Variants in DDX60 observed in about 807,000 individuals in gnomAD.
DDX60 encodes probable ATP-dependent RNA helicase DDX60.
DDX60 carries 165 observed loss-of-function variants against 212.8 expected under a neutral mutation model. The observed-to-expected ratio is 0.78, with a 90% CI of 0.68 to 0.88. The LOEUF (loss-of-function observed/expected upper bound fraction) is 0.88, where lower values mean the gene tolerates loss of function less well. Ranked by LOEUF, DDX60 falls within the 40% of genes least tolerant of loss-of-function variation. DDX60 has a pLI of 0.00. For missense variants in DDX60, 1,905 were observed against 2,003.9 expected (o/e 0.95, Z 0.94); for synonymous variants, 703 against 685.3 (o/e 1.03, Z -0.40).
upstream of DDX60, among the ~76,000 whole-genome samples, chr4:168,320,389 C>T (rs1357820737): frequency 6.6e-6 from 1 of 151,918 alleles, no homozygotes; most frequent in Non-Finnish European, 1.5e-5. Context: ...ACACAGATGG[C>T]GTTGAAGACA....
chr4:168,267,932 T>G lies in DDX60; in HGVS notation c.2838A>C (p.Glu946Asp), dbSNP rs199744407. The G allele has an allele frequency of 6.8e-6, 11 of 1,613,136 alleles. No individual in the cohort carries two copies. The East Asian group carries it at 2.5e-4, about 36-fold the overall frequency. The part of the protein sequence containing the change: ...WYWKQEDKII[E>D]NNTASKRHVG... ...CATGTCTTTTAGAAGCGGTATTATTTTCAATTATTTTGTCTTCTTGTTTCC... is the reference window on the plus strand; with the variant it reads ...CATGTCTTTTAGAAGCGGTATTATTGTCAATTATTTTGTCTTCTTGTTTCC... The change falls in exon 21 of 38, where the codon GAA becomes GAC. Residue 946 changes from glutamate (E) to aspartate (D), a missense_variant. Glu to Asp is a conservative substitution (Grantham distance 45). Coordinates refer to ENST00000393743, the MANE Select transcript of DDX60 (RefSeq NM_017631.6).
At chr4:168,244,740 A>G (rs1560823478) in intron 30 of DDX60, among the ~76,000 whole-genome samples, 1 of 143,496 alleles carries the variant, frequency 7.0e-6, no homozygotes. Flanking sequence ...AGAAAAGAAA[A>G]AAGAAAGAAA....
At chr4:168,315,362 A>C (rs192727529) in intron 1 of DDX60, among the ~76,000 whole-genome samples, 1 of 152,342 alleles carries the variant, frequency 6.6e-6, no homozygotes, top group African/African-American at 2.4e-5. Context: ...TTCATGGAGG[A>C]GGCAAAAAGA....
At chr4:168,236,427 T>C in intron 32 of DDX60, 54 bp from the exon 33 acceptor site, 2 of 1,459,350 alleles carry the variant, frequency 1.4e-6, no homozygotes, top group South Asian at 2.6e-5. Context: ...ATTCTATTTT[T>C]TCATGTTTAA....
intron 19 of DDX60, among the ~76,000 whole-genome samples, chr4:168,269,365 G>A (rs113583949): frequency 2.6e-5 from 4 of 152,236 alleles, no homozygotes; most frequent in African/African-American, 4.8e-5. Context: ...TTGGGAGGCC[G>A]AGGAGGGCGG....
intron 34 of DDX60, 85 bp from the exon 35 acceptor site, chr4:168,224,470 A>C: frequency 7.5e-7 from 1 of 1,332,194 alleles, no homozygotes; most frequent in South Asian, 1.3e-5. Context: ...ACCATGTTAC[A>C]AGGGGAGCCA....
intron 7 of DDX60, among the ~76,000 whole-genome samples, chr4:168,292,172 C>T (rs1226138561): frequency 1.3e-5 from 2 of 151,594 alleles, no homozygotes; most frequent in Admixed American, 6.6e-5. Flanking sequence ...CTCAGCCTCC[C>T]GAGTAGCTGG....
chr4:168,217,116 A>G, intron 37 of DDX60, 84 bp from the exon 38 acceptor site: 1 of 798,282 alleles, frequency 1.3e-6, no homozygotes. Context: ...GGCAGAAGTA[A>G]GGAAATCCCA....
chr4:168,262,042 C>T lies in DDX60; in HGVS notation c.3231G>A (p.Lys1077=). Residue 1077 remains lysine (K), a synonymous_variant, in exon 24 of 38, where the codon AAG becomes AAA. Transcript: ENST00000393743. The part of the protein sequence containing the change: ...MDARKYEESL[K]AELTSWIKNG... ...TTTTAATCCAACTTGTTAATTCTGC[C>T]TTTAGACTCTCTTCATATTTCCTAG... 1 of 1,600,550 alleles carries T rather than the reference C, an allele frequency of 6.2e-7. No individual in the cohort carries two copies. The highest frequency in any genetic ancestry group is 2.3e-5 in the East Asian group (1 of 43,944).
At chr4:168,224,132 T>C in intron 35 of DDX60, 111 bp downstream of exon 35, 2 of 1,177,476 alleles carry the variant, frequency 1.7e-6, no homozygotes, top group Non-Finnish European at 1.2e-6. Flanking sequence ...CACCCAGATT[T>C]TTTTTTTCCT....
intron 33 of DDX60, among the ~76,000 whole-genome samples, chr4:168,232,252 G>A (rs1276831966): frequency 1.3e-5 from 2 of 152,072 alleles, no homozygotes; most frequent in Non-Finnish European, 2.9e-5. Context: ...TCATGCTCAT[G>A]TATGAGTAGA....
intron 30 of DDX60, among the ~76,000 whole-genome samples, chr4:168,244,331 G>A (rs1360324035): frequency 6.9e-6 from 1 of 144,184 alleles, no homozygotes; most frequent in African/African-American, 2.9e-5. Flanking sequence ...TGACTTCTTT[G>A]AGACAAGGCA....
At chr4:168,250,687 G>A (rs544229408) in intron 28 of DDX60, among the ~76,000 whole-genome samples, 48 of 111,166 alleles carry the variant, frequency 4.3e-4, no homozygotes, top group African/African-American at 1.7e-3. Context: ...CACCACGCCC[G>A]GCTAATTTTT....
chr4:168,250,933 G>C (rs1734198419), intron 28 of DDX60, 21 bp downstream of exon 28: 1 of 1,540,406 alleles, frequency 6.5e-7, no homozygotes, highest in Non-Finnish European at 8.8e-7. Context: ...TCAATTTTTA[G>C]AATGAAGAAA....
At chr4:168,222,028 A>ATCCTAAGCC in intron 35 of DDX60, 147 bp from the exon 36 acceptor site, 1 of 805,690 alleles carries the variant, frequency 1.2e-6, no homozygotes. Context: ...TTAGCCACAC[A>ATCCTAAGCC]TTGTGGTAGC....
chr4:168,250,575 G>C (rs1279783008), intron 28 of DDX60, among the ~76,000 whole-genome samples: 5 of 149,100 alleles, frequency 3.4e-5, no homozygotes, highest in Non-Finnish European at 5.9e-5. Flanking sequence ...CCCCAGGCTA[G>C]AGTGTGATGG....
chr4:168,287,349 G>T (rs1735905218), intron 9 of DDX60, 146 bp from the exon 10 acceptor site: 1 of 684,588 alleles, frequency 1.5e-6, no homozygotes, highest in East Asian at 2.8e-5. Context: ...GGACATAAAT[G>T]AAAATGGTCA....
intron 26 of DDX60, among the ~76,000 whole-genome samples, chr4:168,254,772 A>G (rs1734341193): frequency 6.6e-6 from 1 of 152,184 alleles, no homozygotes; most frequent in African/African-American, 2.4e-5. Flanking sequence ...AAAGGGAGCA[A>G]TCAGGAAGGA....
intron 6 of DDX60, 88 bp downstream of exon 6, chr4:168,302,212 A>G: frequency 2.0e-6 from 1 of 497,726 alleles, no homozygotes; most frequent in Non-Finnish European, 3.5e-6. Flanking sequence ...CTGGATGAGA[A>G]GTACATGAGA....
Sources: allele counts gnomAD v4.1 joint callset (sites outside exome capture counted in the v4.1 genomes callset), GRCh38; gene constraint gnomAD v4.1.1; transcripts MANE v1.5; gene names NCBI Gene and HGNC (gene_info 2026-07-23, HGNC 2026-07-21).